The following OR51S1 variants were observed in gnomAD, a reference collection of about 807,000 sequenced individuals.
OR51S1 encodes olfactory receptor 51S1.
Under a neutral mutation model 0.3 loss-of-function variants are expected in OR51S1, and 1 was observed. The observed-to-expected ratio is 3.51, with a 90% confidence interval of 1.25 to 16.67. The LOEUF (loss-of-function observed/expected upper bound fraction) is 16.67. Among genes scored for constraint, OR51S1 ranks in the 30% most tolerant of loss-of-function variants. The probability of loss-of-function intolerance (pLI) is 0.12; values close to 1 mark genes in which losing one functional copy is unlikely to be tolerated. For missense variants in OR51S1, 479 were observed against 393.8 expected (o/e 1.22, Z -1.83); for synonymous variants, 180 against 159.4 (o/e 1.13, Z -0.97).
At position 4,849,049 on chromosome 11, in the gene OR51S1, G is replaced by A. The variant is rs200206720; in HGVS notation, c.160C>T (p.Leu54Phe). Residue 54 changes from leucine (L) to phenylalanine (F), a missense_variant, in exon 1 of 1, where the codon CTC becomes TTC. Leu to Phe is a conservative substitution (Grantham distance 22). Coordinates refer to ENST00000322101, the MANE Select transcript of OR51S1 (RefSeq NM_001004758.1). ...LLSALGNGTI[L>F]WIIALQPALH... ...GCGGGCTGCAGGGCAATGATCCAGA[G>A]GATGGTGCCATTTCCCAGTGCAGAG... is the stretch of plus-strand genomic sequence containing the variant. 1.9e-6 allele frequency: 3 copies of A among 1,614,064 alleles called. No individual in the cohort carries two copies. The highest frequency in any genetic ancestry group is 2.2e-5 in the East Asian group (1 of 44,856).
Position 4,848,782 on chromosome 11 carries a change from G to A in OR51S1, c.427C>T (p.Leu143Phe), listed in dbSNP as rs1849923394. The A allele has an allele frequency of 2.5e-6, 4 of 1,613,986 alleles. No individual in the cohort carries two copies. Among genetic ancestry groups the A allele is most frequent in the South Asian group, 1.1e-5 (1 of 91,054 alleles). ...AICRPLHYPALLTNGVISKIS... is the reference protein window; with the variant it reads ...AICRPLHYPAFLTNGVISKIS... ...TTGCTAATTACACCATTGGTGAGGAGCGCTGGGTAGTGGAGAGGTCGGCAG... is the reference window on the plus strand; with the variant it reads ...TTGCTAATTACACCATTGGTGAGGAACGCTGGGTAGTGGAGAGGTCGGCAG... The change falls in exon 1 of 1, where the codon CTC becomes TTC. Residue 143 changes from leucine (L) to phenylalanine (F), a missense_variant. By Grantham distance (22) the Leu-to-Phe change is conservative (BLOSUM62 0). Coordinates refer to ENST00000322101, the MANE Select transcript of OR51S1 (RefSeq NM_001004758.1).
In OR51S1 at chr11:4,848,458, G is replaced by T. The variant is rs1216674692; in HGVS notation, c.751C>A (p.His251Asn). ...TAGAAGAGGAGCACTGCAGAGAGGT[G>T]GGCAGCACAGGTTTGACCAGCCTTC... is the stretch of plus-strand genomic sequence containing the variant. ...RWKAGQTCAA[H>N]LSAVLLFYIP... Residue 251 changes from histidine to asparagine, a missense_variant, in exon 1 of 1, where the codon CAC becomes AAC. Physicochemically the swap from His to Asn is moderately conservative, Grantham distance 68. Transcript: ENST00000322101. The T allele has an allele frequency of 6.2e-7, 1 of 1,613,666 alleles. No individual in the cohort carries two copies. Among genetic ancestry groups the T allele is most frequent in the South Asian group, 1.1e-5 (1 of 91,004 alleles).
At position 4,848,288 on chromosome 11, in the gene OR51S1, T is replaced by C; in HGVS notation, c.921A>G (p.Arg307=). ...GCTGCAACCTGTTGAGTATTCTCTT[T>C]CTAATCTCCTTCATCTTGACACTAT... The part of the protein sequence containing the change: ...ILYSVKMKEI[R]KRILNRLQPR... The change falls in exon 1 of 1, where the codon AGA becomes AGG. Residue 307 remains arginine (R), a synonymous_variant. Coordinates refer to ENST00000322101, the MANE Select transcript of OR51S1 (RefSeq NM_001004758.1). 1.2e-6 allele frequency: 2 copies of C among 1,613,882 alleles called. No homozygotes were observed. Among genetic ancestry groups the C allele is most frequent in the South Asian group, 1.1e-5 (1 of 91,034 alleles).
At position 4,849,072 on chromosome 11, in the gene OR51S1, G is replaced by T; in HGVS notation, c.137C>A (p.Ser46Tyr). The T allele has an allele frequency of 6.2e-7, 1 of 1,614,088 alleles. No individual in the cohort carries two copies. ...TLPLIAVYLL[S>Y]ALGNGTILWI... Reference sequence around the variant, plus strand: ...GAGGATGGTGCCATTTCCCAGTGCAGAGAGAAGGTAGACAGCAATGAGGGG... The same window carrying T: ...GAGGATGGTGCCATTTCCCAGTGCATAGAGAAGGTAGACAGCAATGAGGGG... The change falls in exon 1 of 1, where the codon TCT becomes TAT. Residue 46 changes from serine (S) to tyrosine (Y), a missense_variant. By Grantham distance (144) the Ser-to-Tyr change is moderately radical. Coordinates refer to ENST00000322101, the MANE Select transcript of OR51S1 (RefSeq NM_001004758.1).
At position 4,848,269 on chromosome 11, in the gene OR51S1, A is replaced by G. The variant is rs745671659; in HGVS notation, c.940T>C (p.Leu314=). The change falls in exon 1 of 1, where the codon TTG becomes CTG. Residue 314 remains leucine, a synonymous_variant. Coordinates refer to ENST00000322101, the MANE Select transcript of OR51S1 (RefSeq NM_001004758.1). ...KEIRKRILNR[L]QPRKVGGAQ is the part of the protein sequence containing the mutation. Reference sequence around the variant, plus strand: ...GCACCACCCACCTTCCTGGGCTGCAACCTGTTGAGTATTCTCTTTCTAATC... The same window carrying G: ...GCACCACCCACCTTCCTGGGCTGCAGCCTGTTGAGTATTCTCTTTCTAATC... 2 of 1,612,732 alleles carry G rather than the reference A, an allele frequency of 1.2e-6. No homozygotes were observed. The highest frequency in any genetic ancestry group is 1.7e-5 in the Admixed American group (1 of 59,974).
In OR51S1 at chr11:4,848,449, C is replaced by T; in HGVS notation, c.760G>A (p.Ala254Thr). 1 of 1,613,710 alleles carries T rather than the reference C, an allele frequency of 6.2e-7. No individual in the cohort carries two copies. The highest frequency in any genetic ancestry group is 1.1e-5 in the South Asian group (1 of 91,006). ...ATAGGGATATAGAAGAGGAGCACTGCAGAGAGGTGGGCAGCACAGGTTTGA... is the reference window on the plus strand; with the variant it reads ...ATAGGGATATAGAAGAGGAGCACTGTAGAGAGGTGGGCAGCACAGGTTTGA... ...AGQTCAAHLS[A>T]VLLFYIPMIL... Residue 254 changes from alanine (A) to threonine (T), a missense_variant, in exon 1 of 1, where the codon GCA becomes ACA. Physicochemically the swap from Ala to Thr is moderately conservative, Grantham distance 58. Transcript: ENST00000322101.
chr11:4,849,176 A>G lies in OR51S1; in HGVS notation c.33T>C (p.Asn11=), dbSNP rs893894031. 2 of 1,612,874 alleles carry G rather than the reference A, an allele frequency of 1.2e-6. No individual in the cohort carries two copies. Among genetic ancestry groups the G allele is most frequent in the East Asian group, 2.2e-5 (1 of 44,872 alleles). The change falls in exon 1 of 1, where the codon AAT becomes AAC. Residue 11 remains asparagine (N), a synonymous_variant. Coordinates refer to ENST00000322101, the MANE Select transcript of OR51S1 (RefSeq NM_001004758.1). MSTLPTQIAP[N]SSTSMAPTFL... ...AGGTGGGGGCCATTGAAGTGCTGCT[A>G]TTGGGGGCTATCTGAGTTGGTAATG...
rs1344867099 is a variant in OR51S1, at chr11:4,848,424, A to AC, written c.784_785insG (p.Met262SerfsTer8). The AC allele has an allele frequency of 9.9e-6, 16 of 1,613,942 alleles. No homozygotes were observed. Among genetic ancestry groups the AC allele is most frequent in the Non-Finnish European group, 1.2e-5 (14 of 1,179,842 alleles). The stretch of plus-strand genomic sequence containing the variant: ...ATGGTTAATCAGTGCCAGGAGGATC[A>AC]TAGGGATATAGAAGAGGAGCACTGC... On this transcript the variant is annotated frameshift_variant, in exon 1 of 1. Transcript: ENST00000322101. LOFTEE classifies it low-confidence loss of function (END_TRUNC).
chr11:4,849,120 C>T lies in OR51S1; in HGVS notation c.89G>A (p.Gly30Asp). 3.1e-6 allele frequency: 5 copies of T among 1,614,058 alleles called. No homozygotes were observed. Among genetic ancestry groups the T allele is most frequent in the Non-Finnish European group, 4.2e-6 (5 of 1,180,000 alleles). The change falls in exon 1 of 1, where the codon GGT (glycine) becomes GAT (aspartate). Residue 30 changes from glycine (G) to aspartate (D), a missense_variant. Transcript: ENST00000322101. ...FLLVGMPGLS[G>D]APSWWTLPLI... ...GGGCAATGTCCACCAGGAGGGTGCA[C>T]CTGATAGGCCTGGCATGCCCACCAG...
Position 4,848,801 on chromosome 11 carries a change from T to C in OR51S1, c.408A>G (p.Arg136=), listed in dbSNP as rs748007815. Residue 136 remains arginine, a synonymous_variant, in exon 1 of 1, where the codon CGA becomes CGG. Transcript: ENST00000322101. ...MSIDRALAIC[R]PLHYPALLTN... ...TGAGGAGCGCTGGGTAGTGGAGAGG[T>C]CGGCAGATGGCCAGTGCCCGATCAA... The C allele has an allele frequency of 8.1e-6, 13 of 1,613,638 alleles. No homozygotes were observed. In the South Asian group the frequency reaches 1.3e-4, roughly 16 times the overall value.
chr11:4,848,996 G>C lies in OR51S1; in HGVS notation c.213C>G (p.Leu71=). Residue 71 remains leucine, a synonymous_variant, in exon 1 of 1, where the codon CTC becomes CTG. Coordinates refer to ENST00000322101, the MANE Select transcript of OR51S1 (RefSeq NM_001004758.1). ...CAATATCAGACACACTAAGCAAGAA[G>C]AGGAAGAAGTGCATTGGGCGGTGCA... ...PALHRPMHFF[L]FLLSVSDIGL... 6 of 1,614,154 alleles carry C rather than the reference G, an allele frequency of 3.7e-6. No individual in the cohort carries two copies. Among genetic ancestry groups the C allele is most frequent in the Non-Finnish European group, 5.1e-6 (6 of 1,180,008 alleles).
At position 4,848,720 on chromosome 11, in the gene OR51S1, G is replaced by C; in HGVS notation, c.489C>G (p.Leu163=). 1 of 1,614,070 alleles carries C rather than the reference G, an allele frequency of 6.2e-7. No homozygotes were observed. Among genetic ancestry groups the C allele is most frequent in the Non-Finnish European group, 8.5e-7 (1 of 1,180,002 alleles). ...SLAISFRCLG[L]HLPLPFLLAY... ...CCAGCAGGAATGGCAGGGGCAGATG[G>C]AGACCCAGGCATCGAAAAGAAATGG... Residue 163 remains leucine (L), a synonymous_variant, in exon 1 of 1, where the codon CTC becomes CTG. Transcript: ENST00000322101.
Position 4,849,205 on chromosome 11 carries a change from A to G in OR51S1, c.4T>C (p.Ser2Pro), listed in dbSNP as rs1266910260. The G allele has an allele frequency of 6.2e-7, 1 of 1,607,202 alleles. No homozygotes were observed. Among genetic ancestry groups the G allele is most frequent in the Non-Finnish European group, 8.5e-7 (1 of 1,176,856 alleles). MSTLPTQIAPNS... is the reference protein window; with the variant it reads MPTLPTQIAPNS... ...GGGGCTATCTGAGTTGGTAATGTTG[A>G]CATAGTTCAGGATTCCACGTTGAAC... is the stretch of plus-strand genomic sequence containing the variant. The change falls in exon 1 of 1, where the codon TCA becomes CCA. Residue 2 changes from serine (S) to proline (P), a missense_variant. Transcript: ENST00000322101.
rs763278327 is a variant in OR51S1, at chr11:4,848,350, G to C, written c.859C>G (p.His287Asp). 3 of 1,614,000 alleles carry C rather than the reference G, an allele frequency of 1.9e-6. No homozygotes were observed. The African/African-American group carries it at 4.0e-5, about 22-fold the overall frequency. ...QHTHTLLSYVHFLLPPLINPI... is the reference protein window; with the variant it reads ...QHTHTLLSYVDFLLPPLINPI... ...TTTATCAATGGAGGAAGAAGGAAAT[G>C]GACATAGGATAGAAGAGTATGGGTA... The change falls in exon 1 of 1, where the codon CAT (histidine) becomes GAT (aspartate). Residue 287 changes from histidine to aspartate, a missense_variant. Coordinates refer to ENST00000322101, the MANE Select transcript of OR51S1 (RefSeq NM_001004758.1).
chr11:4,848,408 CAGTGCCAGG>C lies in OR51S1; in HGVS notation c.792_800del (p.Leu265_Leu267del). 6.2e-7 allele frequency: 1 copy of C among 1,613,946 alleles called. No individual in the cohort carries two copies. The highest frequency in any genetic ancestry group is 1.1e-5 in the South Asian group (1 of 91,064). ...TGATTGGCAGCTCAGGATGGTTAAT[CAGTGCCAGG>C]AGGATCATAGGGATATAGAAGAGGA... On this transcript the variant is annotated inframe_deletion, in exon 1 of 1. Coordinates refer to ENST00000322101, the MANE Select transcript of OR51S1 (RefSeq NM_001004758.1).
chr11:4,849,054 G>T lies in OR51S1; in HGVS notation c.155C>A (p.Thr52Asn), dbSNP rs35918613. Residue 52 changes from threonine (T) to asparagine (N), a missense_variant, in exon 1 of 1, where the codon ACC becomes AAC. By Grantham distance (65) the Thr-to-Asn change is moderately conservative (BLOSUM62 0). Transcript: ENST00000322101. ...CTGCAGGGCAATGATCCAGAGGATGGTGCCATTTCCCAGTGCAGAGAGAAG... is the reference window on the plus strand; with the variant it reads ...CTGCAGGGCAATGATCCAGAGGATGTTGCCATTTCCCAGTGCAGAGAGAAG... ...VYLLSALGNG[T>N]ILWIIALQPA... 3 of 1,613,916 alleles carry T rather than the reference G, an allele frequency of 1.9e-6. No individual in the cohort carries two copies. Among genetic ancestry groups the T allele is most frequent in the Admixed American group, 1.7e-5 (1 of 60,000 alleles).
rs1379999362 is a variant in OR51S1, at chr11:4,848,923, C to T, written c.286G>A (p.Gly96Ser). 2.5e-6 allele frequency: 4 copies of T among 1,613,908 alleles called. No individual in the cohort carries two copies. Among genetic ancestry groups the T allele is most frequent in the Non-Finnish European group, 2.5e-6 (3 of 1,179,956 alleles). ...MPTLLGIALA[G>S]AHTVPASACL... ...GCTGAGGCAGGGACAGTGTGAGCAC[C>T]AGCAAGGGCGATGCCCAGCAGTGTG... The change falls in exon 1 of 1, where the codon GGT (glycine) becomes AGT (serine). Residue 96 changes from glycine (G) to serine (S), a missense_variant. By Grantham distance (56) the Gly-to-Ser change is moderately conservative. Transcript: ENST00000322101.
rs151316061 is a variant in OR51S1, at chr11:4,848,802, C to T, written c.407G>A (p.Arg136Gln). 9.9e-6 allele frequency: 16 copies of T among 1,614,022 alleles called. No homozygotes were observed. The highest frequency in any genetic ancestry group is 1.3e-5 in the Non-Finnish European group (15 of 1,179,990). The change falls in exon 1 of 1, where the codon CGA (arginine) becomes CAA (glutamine). Residue 136 changes from arginine to glutamine, a missense_variant. Coordinates refer to ENST00000322101, the MANE Select transcript of OR51S1 (RefSeq NM_001004758.1). ...MSIDRALAIC[R>Q]PLHYPALLTN... ...GAGGAGCGCTGGGTAGTGGAGAGGT[C>T]GGCAGATGGCCAGTGCCCGATCAAT...
chr11:4,848,964 ACCAAT>A lies in OR51S1; in HGVS notation c.240_244del (p.Leu81HisfsTer47), dbSNP rs1849929743. 1 of 1,614,148 alleles carries A rather than the reference ACCAAT, an allele frequency of 6.2e-7. No homozygotes were observed. The highest frequency in any genetic ancestry group is 1.3e-5 in the African/African-American group (1 of 75,044). ...CAGCAGTGTGGGCATCAGGGCAGTG[ACCAAT>A]CCAATATCAGACACACTAAGCAAGA... On this transcript the variant is annotated frameshift_variant, in exon 1 of 1. Transcript: ENST00000322101. LOFTEE classifies it low-confidence loss of function (END_TRUNC).
Sources: gnomAD v4.1 joint callset for allele counts on GRCh38, gnomAD v4.1.1 for gene constraint, MANE v1.5 for transcripts, NCBI Gene and HGNC (gene_info 2026-07-23, HGNC 2026-07-21) for gene names.